SLC44A5: variants seen among roughly 807,000 people sequenced by gnomAD.
The protein encoded by SLC44A5 is solute carrier family 44 member 5, also known as choline transporter-like protein 5.
SLC44A5 carries 57 observed loss-of-function variants against 101.8 expected under a neutral mutation model. That is an observed-to-expected ratio of 0.56 (90% confidence interval 0.45 to 0.70). The LOEUF (loss-of-function observed/expected upper bound fraction) is 0.70, where lower values mean the gene tolerates loss of function less well. Among genes scored for constraint, SLC44A5 ranks in the 30% least tolerant of loss-of-function variants. SLC44A5 has a pLI of 0.00. For synonymous variants in SLC44A5, 281 were observed against 290.9 expected, an observed-to-expected ratio of 0.97 and a Z score of 0.35; for missense variants, 737 against 853.1, an observed-to-expected ratio of 0.86 and a Z score of 1.70.
intron 7 of SLC44A5, among the ~76,000 whole-genome samples, chr1:75,248,288 G>A (rs1234576990): frequency 1.3e-5 from 2 of 152,070 alleles, no homozygotes; most frequent in African/African-American, 2.4e-5. Context: ...GAATGATCAA[G>A]CCATAGCTTT....
rs981115127 is a variant in SLC44A5 at position 75,611,100 on chromosome 1, C to G, written c.-130G>C. 1.0e-5 allele frequency: 10 copies of G among 985,146 alleles called. No individual in the cohort carries two copies. Among genetic ancestry groups the G allele is most frequent in the African/African-American group, 1.7e-5 (1 of 57,200 alleles). The allele number at this position is 985,146 out of a possible 1,614,324, so 61.0% of individuals were successfully genotyped here. A position where few individuals can be genotyped will look rare whatever the true frequency, so the allele number is the denominator to read the frequency against. On this transcript the variant is annotated 5_prime_UTR_variant, in exon 1 of 24. Coordinates refer to ENST00000370859, the MANE Select transcript of SLC44A5 (RefSeq NM_001130058.2). The stretch of plus-strand genomic sequence containing the variant: ...CACTGAACCTTCTAACTCTAACATG[C>G]TACGATTCACTACTGTGAAAAAAAA...
chr1:75,383,544 T>C (rs1661062046), intron 3 of SLC44A5, among the ~76,000 whole-genome samples: 1 of 151,826 alleles, frequency 6.6e-6, no homozygotes, highest in Admixed American at 6.6e-5. Flanking sequence ...CTCCAAGAAA[T>C]ATGGGACTAT....
chr1:75,646,585 G>A, the SLC44A5 span, among the ~76,000 whole-genome samples: 5 of 152,058 alleles, frequency 3.3e-5, no homozygotes, highest in Admixed American at 2.0e-4. Context: ...GTTGCAGGAG[G>A]GACATCATGG....
intron 13 of SLC44A5, among the ~76,000 whole-genome samples, chr1:75,226,320 G>A (rs975705134): frequency 2.0e-5 from 3 of 151,958 alleles, no homozygotes; most frequent in Non-Finnish European, 4.4e-5. Context: ...GCTCAGCTAG[G>A]TCATCAAGGT....
At chr1:75,657,547 T>TAA in the SLC44A5 span, among the ~76,000 whole-genome samples, 56 of 132,886 alleles carry the variant, frequency 4.2e-4, no homozygotes, top group South Asian at 1.9e-3. Context: ...GACTCTTTCT[T>TAA]AAAAAAAAAA....
At chr1:75,659,509 G>GAAGGAAGGAAGGAAGA in the SLC44A5 span, among the ~76,000 whole-genome samples, 1 of 45,174 alleles carries the variant, frequency 2.2e-5, no homozygotes, top group African/African-American at 6.0e-5. Flanking sequence ...AGGCAGGCAG[G>GAAGGAAGGAAGGAAGA]CAGGCAGGCA....
chr1:75,632,381 CTT>C, the SLC44A5 span, among the ~76,000 whole-genome samples: 17 of 147,626 alleles, frequency 1.2e-4, no homozygotes, highest in Non-Finnish European at 2.0e-4. Context: ...GGAGCTACTT[CTT>C]TTTTTTTTTG....
At chr1:75,425,400 G>A (rs1244793430) in intron 2 of SLC44A5, among the ~76,000 whole-genome samples, 1 of 152,242 alleles carries the variant, frequency 6.6e-6, no homozygotes, top group Non-Finnish European at 1.5e-5. Context: ...AACTAATTGT[G>A]TGAAAGTGGC....
At chr1:75,681,327 T>G in the SLC44A5 span, among the ~76,000 whole-genome samples, 1 of 152,194 alleles carries the variant, frequency 6.6e-6, no homozygotes. Context: ...TAGACCAATA[T>G]TCTTGATGAA....
chr1:75,667,035 G>T, the SLC44A5 span, among the ~76,000 whole-genome samples: 1 of 152,118 alleles, frequency 6.6e-6, no homozygotes, highest in African/African-American at 2.4e-5. Context: ...ACAAGACAAG[G>T]ATGCCATCTC....
At chr1:75,396,734 A>G in intron 2 of SLC44A5, 113 bp from the exon 3 acceptor site, 1 of 803,772 alleles carries the variant, frequency 1.2e-6, no homozygotes, top group Non-Finnish European at 2.2e-6. Context: ...TAACACACAA[A>G]ATAACATAAG....
intron 4 of SLC44A5, among the ~76,000 whole-genome samples, chr1:75,326,103 T>C (rs1307866961): frequency 6.8e-6 from 1 of 147,856 alleles, no homozygotes; most frequent in Admixed American, 6.7e-5. Context: ...TCCGTGTGTG[T>C]GTGTGTGTGT....
At chr1:75,377,060 T>G (rs933837027) in intron 3 of SLC44A5, among the ~76,000 whole-genome samples, 3 of 152,180 alleles carry the variant, frequency 2.0e-5, no homozygotes, top group Admixed American at 2.0e-4. Flanking sequence ...TGCTATCAAC[T>G]GGAAGAAAGG....
chr1:75,302,896 G>A (rs1038143145), intron 4 of SLC44A5, among the ~76,000 whole-genome samples: 15 of 152,082 alleles, frequency 9.9e-5, no homozygotes, highest in African/African-American at 3.6e-4. Context: ...AGAGTTTGAT[G>A]GCATGAGATT....
chr1:75,270,172 C>T (rs1651351140), intron 6 of SLC44A5, among the ~76,000 whole-genome samples: 1 of 152,130 alleles, frequency 6.6e-6, no homozygotes, highest in South Asian at 2.1e-4. Flanking sequence ...TGGACTAATA[C>T]ACCATTTTAT....
At position 75,452,515 on chromosome 1, in the gene SLC44A5, A is replaced by C. The variant is rs140925324; in HGVS notation, c.14-55894T>G. On this transcript the variant is annotated intron_variant, in intron 2 of 23. Coordinates refer to ENST00000370859, the MANE Select transcript of SLC44A5 (RefSeq NM_001130058.2). ...ATAGAAAGTAAAAAGCAACCAGCTA[A>C]CAACTTCATAATAGGATCAAAACCT... 3.4e-3 allele frequency among the ~76,000 whole-genome samples: 517 copies of C among 152,298 alleles called. 5 individuals are homozygous for C. The highest frequency in any genetic ancestry group is 0.011 in the African/African-American group (475 of 41,580).
At chr1:75,295,881 G>T (rs1031691079) in intron 5 of SLC44A5, among the ~76,000 whole-genome samples, 1 of 151,964 alleles carries the variant, frequency 6.6e-6, no homozygotes, top group Non-Finnish European at 1.5e-5. Context: ...TGATGTGCTA[G>T]ATTTCCTTAA....
intron 2 of SLC44A5, among the ~76,000 whole-genome samples, chr1:75,517,564 CAA>C (rs1323453095): frequency 6.6e-6 from 1 of 151,906 alleles, no homozygotes; most frequent in East Asian, 1.9e-4. Context: ...AAGAGGCCGA[CAA>C]GAGAGGATTT....
intron 6 of SLC44A5, among the ~76,000 whole-genome samples, chr1:75,274,126 C>T (rs1418432693): frequency 6.6e-6 from 1 of 151,572 alleles, no homozygotes; most frequent in Non-Finnish European, 1.5e-5. Context: ...GAAGTGTCCT[C>T]AGCTATGTTT....
Sources: gnomAD v4.1 joint callset for allele counts (sites outside exome capture counted in the v4.1 genomes callset) on GRCh38, gnomAD v4.1.1 for gene constraint, MANE v1.5 for transcripts, NCBI Gene and HGNC (gene_info 2026-07-23, HGNC 2026-07-21) for gene names.